POM121: variants seen among roughly 807,000 people sequenced by gnomAD.
POM121 encodes POM121 transmembrane nucleoporin.
Under a neutral mutation model 81.3 loss-of-function variants are expected in POM121, and 32 were observed. That is an observed-to-expected ratio of 0.39 (90% CI 0.30 to 0.53). POM121 has a LOEUF of 0.53. Among genes scored for constraint, POM121 ranks in the 20% least tolerant of loss-of-function variants. The pLI, the probability that POM121 is intolerant of heterozygous loss-of-function variation, is 0.66. For missense variants in POM121, 1,138 were observed against 1,614.6 expected (o/e 0.70, Z 5.06); for synonymous variants, 514 against 694.2 (o/e 0.74, Z 4.08).
intron 3 of POM121, among the ~76,000 whole-genome samples, chr7:72,902,426 C>G (rs1350808334): frequency 2.0e-5 from 3 of 151,622 alleles, no homozygotes; most frequent in Admixed American, 1.3e-4. Flanking sequence ...CCATGCCTGG[C>G]TAATTTTTGT....
chr7:72,886,091 T>C (rs1308933358), intron 1 of POM121, among the ~76,000 whole-genome samples: 1 of 152,150 alleles, frequency 6.6e-6, no homozygotes, highest in Non-Finnish European at 1.5e-5. Context: ...CCGTTGTTCA[T>C]TTTATTTTTA....
intron 5 of POM121, among the ~76,000 whole-genome samples, chr7:72,937,479 T>C (rs1796624858): frequency 6.6e-6 from 1 of 151,930 alleles, no homozygotes; most frequent in African/African-American, 2.4e-5. Flanking sequence ...GTTATTGCCG[T>C]GAGCAGTCTT....
rs141207892 is a variant in POM121, at chr7:72,914,889, G to A, written c.-152+1061G>A. Reference sequence around the variant, plus strand: ...AGTTCTGTGCTTCCCAGCTTGATCCGTTCCTCTCCAGGAATCTCCTCTCCC... The same window carrying A: ...AGTTCTGTGCTTCCCAGCTTGATCCATTCCTCTCCAGGAATCTCCTCTCCC... On this transcript the variant is annotated intron_variant, in intron 4 of 15. Coordinates refer to the POM121 transcript ENST00000395270. Among the ~76,000 whole-genome samples, 655 of 152,156 alleles carry A rather than the reference G, an allele frequency of 4.3e-3. 2 individuals carry two copies. The highest frequency in any genetic ancestry group is 0.011 in the South Asian group (52 of 4,808).
intron 8 of POM121, 94 bp downstream of exon 8, chr7:72,940,062 A>G (rs1466503071): frequency 2.0e-6 from 3 of 1,518,630 alleles, no homozygotes; most frequent in Non-Finnish European, 2.6e-6. Context: ...TTTTTTTCTA[A>G]TTTATTTTTG....
At chr7:72,924,738 G>A (rs1795174219), upstream of POM121, 1 of 203,412 alleles carries the variant, frequency 4.9e-6, no homozygotes, top group Non-Finnish European at 9.8e-6. Context: ...TAGAAATGGA[G>A]GGGGGAGGGA....
chr7:72,885,076 C>T (rs558574885), intron 1 of POM121, among the ~76,000 whole-genome samples: 16 of 152,162 alleles, frequency 1.1e-4, no homozygotes, highest in Admixed American at 6.6e-4. Context: ...GGATTTGTTC[C>T]GCAGTGCCAT....
At chr7:72,948,559 G>A, downstream of POM121, 1 of 1,613,368 alleles carries the variant, frequency 6.2e-7, no homozygotes, top group Non-Finnish European at 8.5e-7. Flanking sequence ...TGGGCTGGGT[G>A]TGCGTTCTGG....
intron 4 of POM121, among the ~76,000 whole-genome samples, chr7:72,928,956 A>G (rs1795747799): frequency 6.6e-6 from 1 of 152,222 alleles, no homozygotes; most frequent in Non-Finnish European, 1.5e-5. Context: ...TGTTAGAAGA[A>G]AGACTAGAAT....
chr7:72,911,259 C>T (rs1793774197), intron 3 of POM121, among the ~76,000 whole-genome samples: 1 of 152,248 alleles, frequency 6.6e-6, no homozygotes, highest in Non-Finnish European at 1.5e-5. Flanking sequence ...GCTGGGATTA[C>T]AGGCATGAGC....
Position 72,930,360 on chromosome 7 carries a change from A to G in POM121, c.1275+249A>G, listed in dbSNP as rs114386423. 6.8e-3 allele frequency among the ~76,000 whole-genome samples: 1,037 copies of G among 152,366 alleles called. 15 individuals carry two copies. Among genetic ancestry groups the G allele is most frequent in the African/African-American group, 0.024 (1,011 of 41,588 alleles). ...AGCAAAGGTTTACTGATCACCTTCT[A>G]TCTGTCAGACATTAGAATTGTCTTT... On this transcript the variant is annotated intron_variant, in intron 5 of 12. Transcript: ENST00000434423.
chr7:72,936,838 A>C (rs1255973159), intron 5 of POM121, among the ~76,000 whole-genome samples: 1 of 152,064 alleles, frequency 6.6e-6, no homozygotes, highest in African/African-American at 2.4e-5. Flanking sequence ...ACTACAGGTA[A>C]GGTCTTGCTA....
intron 3 of POM121, among the ~76,000 whole-genome samples, chr7:72,904,165 C>T (rs547411551): frequency 1.3e-5 from 2 of 152,172 alleles, no homozygotes; most frequent in Non-Finnish European, 2.9e-5. Flanking sequence ...TGGAGAGGAG[C>T]CACAGATGAA....
At chr7:72,902,586 T>A (rs1231285085) in intron 3 of POM121, among the ~76,000 whole-genome samples, 2 of 152,176 alleles carry the variant, frequency 1.3e-5, no homozygotes, top group Non-Finnish European at 2.9e-5. Flanking sequence ...TGGAGTGCAG[T>A]GGTGCAATCT....
chr7:72,894,800 G>T (rs1322330673), intron 3 of POM121, among the ~76,000 whole-genome samples: 1 of 152,014 alleles, frequency 6.6e-6, no homozygotes, highest in Admixed American at 6.6e-5. Flanking sequence ...GGCACTACAG[G>T]TGCGCACAGC....
intron 3 of POM121, among the ~76,000 whole-genome samples, chr7:72,909,075 C>T (rs782205464): frequency 6.6e-6 from 1 of 152,144 alleles, no homozygotes; most frequent in Non-Finnish European, 1.5e-5. Flanking sequence ...GCAGTAAAGA[C>T]AGGTGTAAGA....
At chr7:72,950,208 G>A, downstream of POM121, 1 of 1,608,636 alleles carries the variant, frequency 6.2e-7, no homozygotes. Context: ...TGCCAGGGAA[G>A]AACCATTCAT....
chr7:72,900,453 T>C (rs1792497036), intron 3 of POM121, among the ~76,000 whole-genome samples: 1 of 152,070 alleles, frequency 6.6e-6, no homozygotes, highest in African/African-American at 2.4e-5. Context: ...GTTTAATTGA[T>C]TTTTTAAATG....
intron 3 of POM121, among the ~76,000 whole-genome samples, chr7:72,894,567 A>T (rs1791665890): frequency 6.6e-6 from 1 of 150,514 alleles, no homozygotes; most frequent in Non-Finnish European, 1.5e-5. Context: ...AACAAGAGTG[A>T]AACTTCATTA....
At chr7:72,906,856 G>A (rs1793291387) in intron 3 of POM121, among the ~76,000 whole-genome samples, 3 of 151,028 alleles carry the variant, frequency 2.0e-5, no homozygotes, top group Admixed American at 6.6e-5. Context: ...TCAAACTCCT[G>A]AGCTCAAGTG....
Sources: gnomAD v4.1 joint callset for allele counts (sites outside exome capture counted in the v4.1 genomes callset) on GRCh38, gnomAD v4.1.1 for gene constraint, MANE v1.5 for transcripts, NCBI Gene and HGNC (gene_info 2026-07-23, HGNC 2026-07-21) for gene names.